Variants in MAF observed in about 807,000 individuals in gnomAD.
The protein encoded by MAF is transcription factor Maf.
In MAF, 10 loss-of-function variants were observed where a neutral mutation model predicts 22.0. That is an observed-to-expected ratio of 0.45 (90% CI 0.28 to 0.77). The LOEUF is 0.77. Among genes scored for constraint, MAF ranks in the 30% least tolerant of loss-of-function variants. The pLI, the probability that MAF is intolerant of heterozygous loss-of-function variation, is 0.12. For synonymous variants in MAF, 337 were observed against 255.8 expected (o/e 1.32, Z -3.03); for missense variants, 544 against 548.4 (o/e 0.99, Z 0.08).
At chr16:79,506,747 G>A in the MAF span, among the ~76,000 whole-genome samples, 2 of 152,194 alleles carry the variant, frequency 1.3e-5, no homozygotes, top group African/African-American at 2.4e-5. Context: ...CTCACTGGGT[G>A]ATGAAACAGC....
the MAF span, among the ~76,000 whole-genome samples, chr16:79,449,349 C>A: frequency 6.6e-6 from 1 of 152,108 alleles, no homozygotes; most frequent in Non-Finnish European, 1.5e-5. Flanking sequence ...ATAAACATAA[C>A]TTTTATATGC....
At chr16:79,215,814 G>C in the MAF span, among the ~76,000 whole-genome samples, 1 of 152,192 alleles carries the variant, frequency 6.6e-6, no homozygotes, top group Non-Finnish European at 1.5e-5. Context: ...TCTTGGGTCT[G>C]TAGGAGTCCT....
the MAF span, among the ~76,000 whole-genome samples, chr16:79,482,552 A>T: frequency 6.6e-6 from 1 of 152,172 alleles, no homozygotes; most frequent in African/African-American, 2.4e-5. Flanking sequence ...TCTCCAGTCC[A>T]TTACAGAATG....
the MAF span, among the ~76,000 whole-genome samples, chr16:79,474,497 G>C: frequency 6.6e-6 from 1 of 152,140 alleles, no homozygotes; most frequent in African/African-American, 2.4e-5. Context: ...AATGGTGTGG[G>C]CTCAGGTGCT....
At chr16:79,357,667 C>T in the MAF span, among the ~76,000 whole-genome samples, 1 of 152,106 alleles carries the variant, frequency 6.6e-6, no homozygotes, top group Non-Finnish European at 1.5e-5. Context: ...TCCTCACCAT[C>T]GGTTCCCTAG....
chr16:79,557,945 C>G, the MAF span, among the ~76,000 whole-genome samples: 1 of 150,942 alleles, frequency 6.6e-6, no homozygotes, highest in Non-Finnish European at 1.5e-5. Context: ...TAAGCCAAGG[C>G]CTGATGGGTG....
the MAF span, among the ~76,000 whole-genome samples, chr16:79,310,923 A>G: frequency 1.3e-5 from 2 of 152,018 alleles, no homozygotes; most frequent in African/African-American, 2.4e-5. Flanking sequence ...GCAGGTGCTG[A>G]GCGTGAGGGC....
the MAF span, among the ~76,000 whole-genome samples, chr16:79,280,520 C>A: frequency 1.3e-5 from 2 of 152,246 alleles, no homozygotes; most frequent in Admixed American, 1.3e-4. Flanking sequence ...GGGCCACCAC[C>A]TAAACTCATT....
the MAF span, among the ~76,000 whole-genome samples, chr16:79,510,674 G>T: frequency 6.6e-6 from 1 of 152,170 alleles, no homozygotes; most frequent in Non-Finnish European, 1.5e-5. Context: ...CAGCTTCATG[G>T]GCCTGTGACC....
At chr16:79,502,810 A>G in the MAF span, among the ~76,000 whole-genome samples, 20 of 145,388 alleles carry the variant, frequency 1.4e-4, no homozygotes, top group African/African-American at 5.1e-4. Flanking sequence ...GGGATTAATT[A>G]TAAAAAAAAA....
At chr16:79,570,501 T>C in the MAF span, among the ~76,000 whole-genome samples, 1 of 152,200 alleles carries the variant, frequency 6.6e-6, no homozygotes, top group Non-Finnish European at 1.5e-5. Context: ...CACAGCCATC[T>C]CTAACTTCTC....
the MAF span, among the ~76,000 whole-genome samples, chr16:79,283,951 C>A: frequency 7.2e-6 from 1 of 138,848 alleles, no homozygotes; most frequent in Admixed American, 7.8e-5. Context: ...ATAATCTACC[C>A]CCTGCACCTC....
chr16:79,210,655 G>A, the MAF span, among the ~76,000 whole-genome samples: 1 of 152,156 alleles, frequency 6.6e-6, no homozygotes, highest in African/African-American at 2.4e-5. Flanking sequence ...AACTGTATTG[G>A]TTTTAAATTA....
chr16:79,389,607 A>G, the MAF span, among the ~76,000 whole-genome samples: 4 of 152,200 alleles, frequency 2.6e-5, no homozygotes, highest in Non-Finnish European at 5.9e-5. Flanking sequence ...GGTTAAATAA[A>G]TAAAACATTT....
chr16:79,551,442 G>C, the MAF span, among the ~76,000 whole-genome samples: 21 of 152,292 alleles, frequency 1.4e-4, no homozygotes, highest in East Asian at 2.7e-3. Flanking sequence ...GCATAACCAA[G>C]CTTGAGTCCC....
the MAF span, among the ~76,000 whole-genome samples, chr16:79,521,711 G>C: frequency 6.6e-6 from 1 of 152,156 alleles, no homozygotes; most frequent in African/African-American, 2.4e-5. Flanking sequence ...CCGAGACTCA[G>C]TTTTCCCATC....
the MAF span, among the ~76,000 whole-genome samples, chr16:79,531,738 A>C: frequency 6.6e-6 from 1 of 152,124 alleles, no homozygotes; most frequent in Non-Finnish European, 1.5e-5. Flanking sequence ...AGTGGCTGTA[A>C]ACACAGACGA....
At chr16:79,554,385 A>G in the MAF span, among the ~76,000 whole-genome samples, 789 of 152,306 alleles carry the variant, frequency 5.2e-3, 2 homozygotes, top group Admixed American at 8.8e-3. Flanking sequence ...CATTTATTAG[A>G]AAGGTAGAAA....
the MAF span, among the ~76,000 whole-genome samples, chr16:79,497,522 T>C: frequency 6.6e-6 from 1 of 152,298 alleles, no homozygotes; most frequent in South Asian, 2.1e-4. Context: ...ACCTAGCTCT[T>C]TTTTAATTTG....
Sources: allele counts gnomAD v4.1 joint callset (sites outside exome capture counted in the v4.1 genomes callset), GRCh38; gene constraint gnomAD v4.1.1; transcripts MANE v1.5; gene names NCBI Gene and HGNC (gene_info 2026-07-23, HGNC 2026-07-21).